The following VCP variants were observed in gnomAD, a reference collection of about 807,000 sequenced individuals.
VCP encodes transitional endoplasmic reticulum ATPase.
VCP carries 6 observed loss-of-function variants against 85.7 expected under a neutral mutation model. The ratio of observed to expected loss-of-function variants is 0.07; its 90% CI spans 0.04 to 0.14. VCP has a LOEUF of 0.14. Ranked by LOEUF, VCP falls within the 10% of genes least tolerant of loss-of-function variation. The pLI is 1.00. For missense variants in VCP, 353 were observed against 1,043.4 expected (o/e 0.34, Z 9.12); for synonymous variants, 384 against 367.1 (o/e 1.05, Z -0.53).
chr9:35,057,168 G>A lies in VCP; in HGVS notation c.2370C>T (p.Gly790=). The change falls in exon 17 of 17, where the codon GGC becomes GGT. Residue 790 remains glycine, a synonymous_variant. Coordinates refer to ENST00000358901, the MANE Select transcript of VCP (RefSeq NM_007126.5). The stretch of plus-strand genomic sequence containing the variant: ...CTTCTGTGTATACACTGCCACCTGT[G>A]CCGCCTCCACTGCCCTGACTGGGGC... ...GAGPSQGSGG[G]TGGSVYTEDN... 6.2e-7 allele frequency: 1 copy of A among 1,614,184 alleles called. No homozygotes were observed. The highest frequency in any genetic ancestry group is 8.5e-7 in the Non-Finnish European group (1 of 1,180,040).
intron 5 of VCP, 137 bp from the exon 6 acceptor site, chr9:35,064,422 A>C: frequency 2.5e-6 from 3 of 1,182,262 alleles, no homozygotes; most frequent in Admixed American, 2.0e-5. Context: ...ATGGTGGCTC[A>C]CATCTGTAAT....
At chr9:35,062,635 T>C (rs1266527863) in intron 7 of VCP, among the ~76,000 whole-genome samples, 2 of 152,102 alleles carry the variant, frequency 1.3e-5, no homozygotes, top group Non-Finnish European at 2.9e-5. Flanking sequence ...GCACACCAGA[T>C]GGCACACCAC....
chr9:35,072,453 G>A lies in VCP; in HGVS notation c.-100C>T. 7.4e-7 allele frequency: 1 copy of A among 1,352,834 alleles called. No homozygotes were observed. Among genetic ancestry groups the A allele is most frequent in the Non-Finnish European group, 9.5e-7 (1 of 1,048,554 alleles). 83.8% of individuals were successfully genotyped at this position (1,352,834 alleles called of 1,614,324 possible). The stretch of plus-strand genomic sequence containing the variant: ...GGGCCGGGGCTCGGCTCTTCCAGGC[G>A]GTGGGCGAGCAGCGGCGACAAACCC... On this transcript the variant is annotated 5_prime_UTR_variant, in exon 1 of 17. Coordinates refer to ENST00000358901, the MANE Select transcript of VCP (RefSeq NM_007126.5).
At chr9:35,061,254 C>G in intron 10 of VCP, 75 bp from the exon 11 acceptor site, 1 of 1,582,664 alleles carries the variant, frequency 6.3e-7, no homozygotes, top group Non-Finnish European at 8.7e-7. Context: ...CAATAGAATC[C>G]TTCCCCTGAC....
At position 35,056,807 on chromosome 9, in the gene VCP, G is replaced by T. The variant is rs957953802; in HGVS notation, c.*310C>A. The T allele has an allele frequency of 1.0e-5, 4 of 388,958 alleles. No individual in the cohort carries two copies. Among genetic ancestry groups the T allele is most frequent in the Non-Finnish European group, 1.5e-5 (3 of 202,808 alleles). 24.1% of individuals were successfully genotyped at this position (388,958 alleles called of 1,614,324 possible). A position where few individuals can be genotyped will look rare whatever the true frequency, so the allele number is the denominator to read the frequency against. ...CTGTGGCAGGTGGCAGTAGTGCCTT[G>T]GTTCACACCCCACACAGGTCCCCTG... On this transcript the variant is annotated 3_prime_UTR_variant, in exon 17 of 17. Coordinates refer to ENST00000358901, the MANE Select transcript of VCP (RefSeq NM_007126.5).
At chr9:35,068,406 G>T in intron 1 of VCP, 44 bp from the exon 2 acceptor site, 1 of 1,522,604 alleles carries the variant, frequency 6.6e-7, no homozygotes, top group South Asian at 1.1e-5. Flanking sequence ...TGCCCCAAGC[G>T]CCTCGCCAGT....
At chr9:35,060,681 C>G (rs886864053) in intron 12 of VCP, 120 bp downstream of exon 12, 1 of 1,578,012 alleles carries the variant, frequency 6.3e-7, no homozygotes, top group South Asian at 1.1e-5. Flanking sequence ...AACCTAAGAA[C>G]AGTAGGTTCC....
chr9:35,060,328 T>C lies in VCP; in HGVS notation c.1680A>G (p.Arg560=). Residue 560 remains arginine, a synonymous_variant, in exon 13 of 17, where the codon AGA becomes AGG. Coordinates refer to ENST00000358901, the MANE Select transcript of VCP (RefSeq NM_007126.5). ...TGTAGCTCACCTTGTCAAAGATTTC[T>C]CTGACATTGGCCTCAGACTCCCCAA... is the stretch of plus-strand genomic sequence containing the variant. The part of the protein sequence containing the change: ...MWFGESEANV[R]EIFDKARQAA... 7.4e-6 allele frequency: 12 copies of C among 1,614,198 alleles called. No individual in the cohort carries two copies. Among genetic ancestry groups the C allele is most frequent in the Non-Finnish European group, 1.0e-5 (12 of 1,180,012 alleles).
chr9:35,066,068 G>A (rs1038933843), intron 4 of VCP, among the ~76,000 whole-genome samples: 2 of 151,770 alleles, frequency 1.3e-5, no homozygotes, highest in Non-Finnish European at 2.9e-5. Flanking sequence ...GGAGGTTGCA[G>A]TGAGCCGAGA....
At position 35,065,451 on chromosome 9, in the gene VCP, C is replaced by A. The variant is rs116985782; in HGVS notation, c.446-70G>T. 4,140 of 1,605,742 alleles carry A rather than the reference C, an allele frequency of 2.6e-3. 8 individuals are homozygous for A. Among genetic ancestry groups the A allele is most frequent in the Non-Finnish European group, 3.4e-3 (3,984 of 1,176,130 alleles). ...AAGACAAAGTGAGAACTCATCAGACCCTGGGGTCAAAATGCCAAGCTCATT... is the reference window on the plus strand; with the variant it reads ...AAGACAAAGTGAGAACTCATCAGACACTGGGGTCAAAATGCCAAGCTCATT... On this transcript the variant is annotated intron_variant, in intron 4 of 16. Coordinates refer to ENST00000358901, the MANE Select transcript of VCP (RefSeq NM_007126.5).
Position 35,064,269 on chromosome 9 carries a change from A to G in VCP, c.593T>C (p.Leu198Ser), listed in dbSNP as rs748447593. 6.2e-7 allele frequency: 1 copy of G among 1,614,064 alleles called. No individual in the cohort carries two copies. Among genetic ancestry groups the G allele is most frequent in the Admixed American group, 1.7e-5 (1 of 60,008 alleles). Residue 198 changes from leucine to serine, a missense_variant, in exon 6 of 17, where the codon TTG becomes TCG. Physicochemically the swap from Leu to Ser is moderately radical, Grantham distance 145. This residue lies in a region of VCP where 85 missense variants were observed against 345.2 expected (regional missense o/e 0.25). Transcript: ENST00000358901. ...PIKREDEEES[L>S]NEVGYDDIGG... ...AATGTCATCATACCCTACTTCATTC[A>G]AGGACTCTTCCTCATCCTGAATATG...
intron 1 of VCP, 46 bp downstream of exon 1, chr9:35,072,290 TC>T: frequency 6.7e-7 from 1 of 1,483,232 alleles, no homozygotes; most frequent in Non-Finnish European, 8.9e-7. Context: ...GCGCGGCTGG[TC>T]CCGGTGCGCG....
intron 5 of VCP, 127 bp from the exon 6 acceptor site, chr9:35,064,412 A>G: frequency 1.6e-6 from 2 of 1,262,310 alleles, no homozygotes; most frequent in Non-Finnish European, 2.2e-6. Context: ...TCAACCCGGC[A>G]TGGTGGCTCA....
intron 12 of VCP, 66 bp downstream of exon 12, chr9:35,060,735 C>T: frequency 6.2e-7 from 1 of 1,613,466 alleles, no homozygotes; most frequent in Admixed American, 1.7e-5. Flanking sequence ...TGTTGACACC[C>T]TGAGATCACC....
At chr9:35,063,719 C>T (rs1020098003) in intron 6 of VCP, among the ~76,000 whole-genome samples, 9 of 152,240 alleles carry the variant, frequency 5.9e-5, no homozygotes, top group African/African-American at 2.2e-4. Flanking sequence ...AAGCTACACT[C>T]TAGACCAATA....
intron 5 of VCP, 51 bp downstream of exon 5, chr9:35,065,200 C>T (rs1450116116): frequency 2.5e-6 from 4 of 1,612,910 alleles, no homozygotes; most frequent in Non-Finnish European, 3.4e-6. Flanking sequence ...CCACATGATG[C>T]CACACTGAGT....
intron 5 of VCP, among the ~76,000 whole-genome samples, chr9:35,064,845 A>G (rs1242664610): frequency 1.3e-5 from 2 of 152,198 alleles, no homozygotes; most frequent in Non-Finnish European, 2.9e-5. Context: ...TCCCTGAAAG[A>G]TGGTTAGTTC....
At chr9:35,071,666 G>A in intron 1 of VCP, 2 of 969,492 alleles carry the variant, frequency 2.1e-6, no homozygotes, top group Non-Finnish European at 2.5e-6. Context: ...TGAACAACAG[G>A]CCTAAAGTAA....
At chr9:35,067,708 G>A (rs529589351) in intron 3 of VCP, among the ~76,000 whole-genome samples, 183 bp downstream of exon 3, 19 of 152,304 alleles carry the variant, frequency 1.2e-4, no homozygotes, top group Non-Finnish European at 2.1e-4. Flanking sequence ...GGATTTTGAA[G>A]TCCCAGGGAG....
Sources: allele counts gnomAD v4.1 joint callset (sites outside exome capture counted in the v4.1 genomes callset), GRCh38; gene constraint gnomAD v4.1.1; regional missense constraint gnomAD v4.1.1; transcripts MANE v1.5; gene names NCBI Gene and HGNC (gene_info 2026-07-23, HGNC 2026-07-21).